CCDC144A: variants seen among roughly 807,000 people sequenced by gnomAD.
CCDC144A encodes coiled-coil domain containing 144A, also known as coiled-coil domain-containing protein 144A.
CCDC144A carries 41 observed loss-of-function variants against 143.8 expected under a neutral mutation model. That is an observed-to-expected ratio of 0.29 (90% confidence interval 0.22 to 0.37). The LOEUF (loss-of-function observed/expected upper bound fraction) is 0.37, where lower values mean the gene tolerates loss of function less well. Among genes scored for constraint, CCDC144A ranks in the 10% least tolerant of loss-of-function variants. The pLI is 1.00. For synonymous variants in CCDC144A, 242 were observed against 517.9 expected (o/e 0.47, Z 7.23); for missense variants, 637 against 1,488.8 (o/e 0.43, Z 9.41).
At chr17:16,682,883 G>GTTTTTTTTTTTTTTTTTTTTTT in the CCDC144A span, among the ~76,000 whole-genome samples, 4 of 46,456 alleles carry the variant, frequency 8.6e-5, 1 homozygote, top group Non-Finnish European at 2.0e-4. Flanking sequence ...TGGATTCTCT[G>GTTTTTTTTTTTTTTTTTTTTTT]TTTTTTTTTT....
In CCDC144A at chr17:16,751,118, G is replaced by A. The variant is rs1332483034; in HGVS notation, c.3373-10307G>A. On this transcript the variant is annotated intron_variant, in intron 12 of 16. Transcript: ENST00000399273. The stretch of plus-strand genomic sequence containing the variant: ...AATGCTCTGATTTGTTGAATTGCTA[G>A]AGTTCTTGTACTGATTATTCCTCCT... Among the ~76,000 whole-genome samples the A allele has an allele frequency of 2.0e-5, 3 of 152,192 alleles. No homozygotes were observed. In the East Asian group the frequency reaches 5.8e-4, roughly 29 times the overall value.
At chr17:16,699,823 CT>C (rs1294247434) in intron 2 of CCDC144A, among the ~76,000 whole-genome samples, 1 of 151,786 alleles carries the variant, frequency 6.6e-6, no homozygotes, top group East Asian at 1.9e-4. Context: ...AGGATTGTTG[CT>C]TTTTAAAATT....
intron 6 of CCDC144A, among the ~76,000 whole-genome samples, chr17:16,717,092 C>A (rs1327607975): frequency 6.8e-6 from 1 of 148,140 alleles, no homozygotes; most frequent in East Asian, 2.0e-4. Context: ...TGAGCCACCG[C>A]GCTCGGCCAG....
At chr17:16,683,627 TGAG>T in the CCDC144A span, 1 of 1,610,926 alleles carries the variant, frequency 6.2e-7, no homozygotes, top group East Asian at 2.2e-5. Context: ...CCACAGAGGA[TGAG>T]GCCTGGGACT....
chr17:16,717,387 G>C (rs1397241859), intron 6 of CCDC144A, among the ~76,000 whole-genome samples: 1 of 152,144 alleles, frequency 6.6e-6, no homozygotes, highest in Non-Finnish European at 1.5e-5. Context: ...TGGGATTACA[G>C]GTGTGAGCCA....
the CCDC144A span, among the ~76,000 whole-genome samples, chr17:16,673,245 C>T: frequency 1.2e-4 from 18 of 151,658 alleles, no homozygotes; most frequent in Non-Finnish European, 2.1e-4. Flanking sequence ...GAGGTTCTGC[C>T]CACACCAAGC....
intron 14 of CCDC144A, among the ~76,000 whole-genome samples, chr17:16,763,504 A>G (rs1448400205): frequency 5.4e-5 from 8 of 148,824 alleles, no homozygotes; most frequent in Non-Finnish European, 1.0e-4. Flanking sequence ...TTTTTCTTGT[A>G]TATATTTAAG....
At chr17:16,697,709 T>C (rs1165835376) in intron 2 of CCDC144A, among the ~76,000 whole-genome samples, 10 of 152,266 alleles carry the variant, frequency 6.6e-5, no homozygotes, top group Non-Finnish European at 1.3e-4. Context: ...AATAGTTGTT[T>C]TTTCCCTATA....
At chr17:16,757,382 G>C (rs1286394374) in intron 12 of CCDC144A, among the ~76,000 whole-genome samples, 4 of 152,234 alleles carry the variant, frequency 2.6e-5, no homozygotes, top group Non-Finnish European at 5.9e-5. Flanking sequence ...GCCAGTGGCT[G>C]GTGAGGCAGC....
chr17:16,689,589 G>T (rs1910921477), upstream of CCDC144A: 1 of 152,354 alleles, frequency 6.6e-6, no homozygotes. Context: ...TCCCCGACCC[G>T]CCCGGGTCGC....
intron 12 of CCDC144A, among the ~76,000 whole-genome samples, chr17:16,758,926 T>G (rs1300386312): frequency 4.6e-5 from 7 of 152,230 alleles, no homozygotes; most frequent in Admixed American, 1.3e-4. Flanking sequence ...CTTCACCTTG[T>G]GCTTCCTGTG....
chr17:16,704,005 C>G (rs539534073), intron 2 of CCDC144A, among the ~76,000 whole-genome samples: 1 of 152,340 alleles, frequency 6.6e-6, no homozygotes, highest in South Asian at 2.1e-4. Context: ...GGCCCCTCAT[C>G]TGGATCTTGA....
intron 12 of CCDC144A, among the ~76,000 whole-genome samples, chr17:16,752,184 T>C (rs960197536): frequency 2.1e-3 from 319 of 152,224 alleles, no homozygotes; most frequent in South Asian, 0.015. Flanking sequence ...GTCACATCAG[T>C]AGCGGCATTA....
chr17:16,703,936 C>T (rs1006101529), intron 2 of CCDC144A, among the ~76,000 whole-genome samples: 3 of 152,166 alleles, frequency 2.0e-5, no homozygotes, highest in African/African-American at 7.2e-5. Flanking sequence ...CTCCACTGTA[C>T]ACGTGAAACA....
At chr17:16,677,604 G>A in the CCDC144A span, among the ~76,000 whole-genome samples, 1 of 152,020 alleles carries the variant, frequency 6.6e-6, no homozygotes, top group African/African-American at 2.4e-5. Context: ...AGGCTGAGGC[G>A]AGTGGATCGC....
Position 16,734,756 on chromosome 17 carries a change from G to A in CCDC144A, c.2485G>A (p.Ala829Thr). 18 of 1,587,466 alleles carry A rather than the reference G, an allele frequency of 1.1e-5. No individual in the cohort carries two copies. Among genetic ancestry groups the A allele is most frequent in the Non-Finnish European group, 1.5e-5 (18 of 1,169,340 alleles). The change falls in exon 12 of 17, where the codon GCC becomes ACC. Residue 829 changes from alanine (A) to threonine (T), a missense_variant. Coordinates refer to ENST00000399273, the MANE Select transcript of CCDC144A (RefSeq NM_001382000.1). ...AGATTGCATGTTGCAGGAAGAAATT[G>A]CCTTGCTGAGACTGGAAATAGATAC... is the stretch of plus-strand genomic sequence containing the variant. Reference protein sequence around the residue: ...HEDCMLQEEIALLRLEIDTIK... With the variant: ...HEDCMLQEEITLLRLEIDTIK...
intron 2 of CCDC144A, among the ~76,000 whole-genome samples, chr17:16,697,031 A>G (rs1247345821): frequency 6.6e-6 from 1 of 151,764 alleles, no homozygotes; most frequent in Non-Finnish European, 1.5e-5. Context: ...AAGCAAATGT[A>G]ATTACTATGA....
intron 15 of CCDC144A, chr17:16,764,927 C>T (rs1915531705): frequency 7.5e-6 from 1 of 132,990 alleles, no homozygotes; most frequent in Non-Finnish European, 1.6e-5. Context: ...ACTAAGATGG[C>T]AATGGTATCT....
chr17:16,670,610 T>G, the CCDC144A span, among the ~76,000 whole-genome samples: 1 of 151,990 alleles, frequency 6.6e-6, no homozygotes, highest in Non-Finnish European at 1.5e-5. Flanking sequence ...CAGGTTCCAG[T>G]GATACTCCCA....
Sources: gnomAD v4.1 joint callset for allele counts (sites outside exome capture counted in the v4.1 genomes callset) on GRCh38, gnomAD v4.1.1 for gene constraint, MANE v1.5 for transcripts, NCBI Gene and HGNC (gene_info 2026-07-23, HGNC 2026-07-21) for gene names.